Variants in SLIT2 observed in about 807,000 individuals in gnomAD.
The protein encoded by SLIT2 is slit guidance ligand 2.
Under a neutral mutation model 185.7 loss-of-function variants are expected in SLIT2, and 41 were observed. The ratio of observed to expected loss-of-function variants is 0.22; its 90% CI spans 0.17 to 0.29. The LOEUF (loss-of-function observed/expected upper bound fraction) is 0.29, where lower values mean the gene tolerates loss of function less well. Among genes scored for constraint, SLIT2 ranks in the 10% least tolerant of loss-of-function variants. SLIT2 has a pLI of 1.00. For synonymous variants in SLIT2, 693 were observed against 680.2 expected, an observed-to-expected ratio of 1.02 and a Z score of -0.29; for missense variants, 1,571 against 1,909.0, an observed-to-expected ratio of 0.82 and a Z score of 3.30.
At chr4:20,385,910 T>C (rs1248693833) in intron 4 of SLIT2, among the ~76,000 whole-genome samples, 1 of 152,194 alleles carries the variant, frequency 6.6e-6, no homozygotes, top group African/African-American at 2.4e-5. Context: ...TGTGGTTGCT[T>C]ATGTAATTCT....
intron 4 of SLIT2, among the ~76,000 whole-genome samples, chr4:20,392,564 C>G (rs1418532235): frequency 6.6e-6 from 1 of 152,096 alleles, no homozygotes; most frequent in Non-Finnish European, 1.5e-5. Context: ...TTTTACTTTA[C>G]AAACTTTTTA....
intron 4 of SLIT2, among the ~76,000 whole-genome samples, chr4:20,309,486 C>G (rs80145734): frequency 0.028 from 4,301 of 151,476 alleles, 209 homozygotes; most frequent in African/African-American, 0.099. Context: ...TTTATTAGAG[C>G]TTTTCCTCTG....
intron 4 of SLIT2, among the ~76,000 whole-genome samples, chr4:20,428,455 T>C (rs1422989582): frequency 1.3e-5 from 2 of 152,208 alleles, no homozygotes. Context: ...TGAGGTTTTT[T>C]GTTATTGTGA....
intron 18 of SLIT2, 148 bp from the exon 19 acceptor site, chr4:20,539,293 A>G: frequency 3.1e-6 from 2 of 643,382 alleles, no homozygotes; most frequent in Non-Finnish European, 5.2e-6. Context: ...CCCAGTATAT[A>G]TTCATAGCAA....
intron 5 of SLIT2, among the ~76,000 whole-genome samples, chr4:20,468,446 G>GAATGTATTT (rs1560448985): frequency 6.6e-6 from 1 of 151,926 alleles, no homozygotes; most frequent in Non-Finnish European, 1.5e-5. Flanking sequence ...CCTCATGAAA[G>GAATGTATTT]AATGTATTTA....
At chr4:20,273,854 A>G (rs16869461) in intron 4 of SLIT2, among the ~76,000 whole-genome samples, 7,998 of 152,156 alleles carry the variant, frequency 0.053, 543 homozygotes, top group African/African-American at 0.15. Flanking sequence ...ACTACTAGAG[A>G]TGTCAGGTGC....
intron 18 of SLIT2, among the ~76,000 whole-genome samples, chr4:20,537,076 G>A (rs773126844): frequency 3.3e-4 from 50 of 152,120 alleles, no homozygotes; most frequent in Non-Finnish European, 6.9e-4. Context: ...ACCTGCCTGA[G>A]GCTGTTTTAT....
intron 4 of SLIT2, among the ~76,000 whole-genome samples, chr4:20,283,715 T>C (rs981795957): frequency 2.0e-5 from 3 of 152,198 alleles, no homozygotes; most frequent in African/African-American, 7.2e-5. Context: ...ATCATAAAAT[T>C]AGAGTATGAC....
At chr4:20,540,191 G>A (rs914533054) in intron 19 of SLIT2, among the ~76,000 whole-genome samples, 1 of 152,050 alleles carries the variant, frequency 6.6e-6, no homozygotes, top group Admixed American at 6.5e-5. Flanking sequence ...GGGAGGGTGA[G>A]GCAGGAGAAT....
intron 30 of SLIT2, 60 bp downstream of exon 30, chr4:20,589,797 C>T: frequency 9.0e-7 from 1 of 1,112,142 alleles, no homozygotes; most frequent in Non-Finnish European, 1.4e-6. Context: ...ATTTTAGGAG[C>T]CCTTCTCCTC....
At chr4:20,498,191 TAAAAA>T (rs1718407156) in intron 9 of SLIT2, among the ~76,000 whole-genome samples, 1 of 151,476 alleles carries the variant, frequency 6.6e-6, no homozygotes, top group South Asian at 2.1e-4. Flanking sequence ...ATAAATAAAA[TAAAAA>T]ATAAAATGTG....
At chr4:20,501,704 AC>A (rs957100214) in intron 9 of SLIT2, among the ~76,000 whole-genome samples, 2 of 152,132 alleles carry the variant, frequency 1.3e-5, no homozygotes, top group African/African-American at 4.8e-5. Context: ...TATAGATGAA[AC>A]CATGCATGTA....
chr4:20,409,602 G>T (rs561072681), intron 4 of SLIT2, among the ~76,000 whole-genome samples: 5 of 152,262 alleles, frequency 3.3e-5, no homozygotes, highest in Admixed American at 3.3e-4. Flanking sequence ...TGGGATTTCT[G>T]GGTCAAATGG....
chr4:20,550,450 T>C (rs1002385387), intron 24 of SLIT2, among the ~76,000 whole-genome samples: 1 of 152,142 alleles, frequency 6.6e-6, no homozygotes, highest in South Asian at 2.1e-4. Flanking sequence ...TTATATGGAA[T>C]ATTTTATTGT....
At chr4:20,425,287 G>A (rs189952947) in intron 4 of SLIT2, among the ~76,000 whole-genome samples, 8 of 151,874 alleles carry the variant, frequency 5.3e-5, no homozygotes, top group African/African-American at 1.7e-4. Flanking sequence ...TTACTGTTTT[G>A]TTTAAGGTTT....
chr4:20,434,440 C>T (rs1244212139), intron 4 of SLIT2, among the ~76,000 whole-genome samples: 4 of 152,038 alleles, frequency 2.6e-5, no homozygotes, highest in Non-Finnish European at 4.4e-5. Context: ...GAGCCAAGAT[C>T]GCACCACTGC....
At chr4:20,256,774 T>A (rs752017651) in intron 2 of SLIT2, 31 bp downstream of exon 2, 49 of 1,119,820 alleles carry the variant, frequency 4.4e-5, no homozygotes, top group Middle Eastern at 4.0e-4. Context: ...TTTAAATAAT[T>A]TTTTAAGGTT....
At chr4:20,610,468 T>C (rs1729125306) in intron 34 of SLIT2, among the ~76,000 whole-genome samples, 1 of 152,200 alleles carries the variant, frequency 6.6e-6, no homozygotes, top group African/African-American at 2.4e-5. Flanking sequence ...AATTTAATCT[T>C]ATATTTGATC....
At chr4:20,472,383 T>G (rs866238895) in intron 5 of SLIT2, among the ~76,000 whole-genome samples, 1 of 36,996 alleles carries the variant, frequency 2.7e-5, no homozygotes, top group Admixed American at 3.9e-4. Flanking sequence ...TATCTATATA[T>G]ATGTAGATAT....
Sources: allele counts gnomAD v4.1 joint callset (sites outside exome capture counted in the v4.1 genomes callset), GRCh38; gene constraint gnomAD v4.1.1; transcripts MANE v1.5; gene names NCBI Gene and HGNC (gene_info 2026-07-23, HGNC 2026-07-21).